The following PRH1 variants were observed in gnomAD, a reference collection of about 807,000 sequenced individuals.
PRH1 encodes the protein proline rich protein HaeIII subfamily 1, also known as salivary acidic proline-rich phosphoprotein 1/2.
A neutral mutation model predicts 7.9 loss-of-function variants in PRH1; 7 were observed. The ratio of observed to expected loss-of-function variants is 0.89; its 90% CI spans 0.50 to 1.67. PRH1 has a LOEUF of 1.67. Ranked by LOEUF, PRH1 falls within the 40% of genes most tolerant of loss-of-function variation. The probability of loss-of-function intolerance (pLI) is 0.00; values close to 1 mark genes in which losing one functional copy is unlikely to be tolerated. For synonymous variants in PRH1, 45 were observed against 80.8 expected (o/e 0.56, Z 2.38); for missense variants, 109 against 223.6 (o/e 0.49, Z 3.27).
intron 1 of PRH1, among the ~76,000 whole-genome samples, chr12:10,994,063 C>T (rs1253425427): frequency 6.6e-6 from 1 of 152,186 alleles, no homozygotes; most frequent in African/African-American, 2.4e-5. Flanking sequence ...CATAGTCAGC[C>T]ATGATTGGAG....
At chr12:11,168,298 A>AGG (rs1369815629) in intron 1 of PRH1, among the ~76,000 whole-genome samples, 1 of 51,672 alleles carries the variant, frequency 1.9e-5, no homozygotes, top group African/African-American at 5.8e-5. Context: ...GAAAGAAAGA[A>AGG]AGAAGGAAGG....
chr12:11,000,371 C>T (rs1235336425), intron 1 of PRH1, among the ~76,000 whole-genome samples: 1 of 151,880 alleles, frequency 6.6e-6, no homozygotes, highest in East Asian at 1.9e-4. Context: ...TATGAAGGTC[C>T]TCTATTCTTT....
chr12:11,170,197 A>C (rs1234095025), intron 1 of PRH1, among the ~76,000 whole-genome samples: 1 of 152,260 alleles, frequency 6.6e-6, no homozygotes, highest in African/African-American at 2.4e-5. Flanking sequence ...TTTAAATAAC[A>C]AAAGTATTGT....
chr12:11,059,591 T>C (rs753461966), intron 1 of PRH1, among the ~76,000 whole-genome samples: 27 of 144,652 alleles, frequency 1.9e-4, no homozygotes, highest in Non-Finnish European at 3.9e-4. Flanking sequence ...TTTATACGCT[T>C]TCTAAAAATA....
chr12:11,006,850 A>G (rs1308153432), intron 1 of PRH1, among the ~76,000 whole-genome samples: 1 of 152,118 alleles, frequency 6.6e-6, no homozygotes, highest in Non-Finnish European at 1.5e-5. Context: ...TCTTATTCCC[A>G]AAATAGCTGA....
chr12:10,926,454 A>G (rs1950124965), intron 2 of PRH1, among the ~76,000 whole-genome samples: 1 of 152,214 alleles, frequency 6.6e-6, no homozygotes, highest in Non-Finnish European at 1.5e-5. Flanking sequence ...TGTGGGTGTG[A>G]AAGAGCTGAG....
intron 1 of PRH1, among the ~76,000 whole-genome samples, chr12:10,998,037 G>A (rs960783324): frequency 2.0e-5 from 3 of 152,118 alleles, no homozygotes; most frequent in Non-Finnish European, 2.9e-5. Flanking sequence ...AAAAGCACCA[G>A]CTTAAACTAA....
chr12:10,926,837 G>A (rs1950130410), intron 2 of PRH1, among the ~76,000 whole-genome samples: 1 of 152,178 alleles, frequency 6.6e-6, no homozygotes, highest in Non-Finnish European at 1.5e-5. Flanking sequence ...TATGAAAGAT[G>A]AATCCTAAAA....
chr12:10,898,557 A>G (rs1268865407), intron 2 of PRH1, among the ~76,000 whole-genome samples: 3 of 152,194 alleles, frequency 2.0e-5, no homozygotes, highest in Non-Finnish European at 4.4e-5. Flanking sequence ...ACTATTTTTA[A>G]ATGCCCTTAA....
At position 10,913,507 on chromosome 12, in the gene PRH1, T is replaced by A. The variant is rs7314347; in HGVS notation, c.-58-29232A>T. On this transcript the variant is annotated intron_variant, in intron 2 of 3. Transcript: ENST00000539853. ...TTAAAATGATTACATTAGCTTATTT[T>A]TGTTAGTGTTTTATGGTGTGATTTT... 9.7e-3 allele frequency among the ~76,000 whole-genome samples: 1,477 copies of A among 152,326 alleles called. 20 individuals carry two copies. The highest frequency in any genetic ancestry group is 0.033 in the African/African-American group (1,387 of 41,566).
chr12:11,070,889 T>C (rs1374473837), intron 1 of PRH1, among the ~76,000 whole-genome samples: 6 of 152,302 alleles, frequency 3.9e-5, no homozygotes, highest in East Asian at 1.9e-4. Flanking sequence ...CTGTATCTAG[T>C]ACAGTGGCAT....
intron 2 of PRH1, among the ~76,000 whole-genome samples, chr12:10,910,282 T>C (rs1054332688): frequency 6.6e-6 from 1 of 152,002 alleles, no homozygotes; most frequent in African/African-American, 2.4e-5. Context: ...CAGTAAAAGA[T>C]TACAAAAATA....
chr12:11,119,586 A>C (rs1267733700), downstream of PRH1, among the ~76,000 whole-genome samples: 9 of 152,314 alleles, frequency 5.9e-5, no homozygotes, highest in East Asian at 1.5e-3. Context: ...AAAAAAAAAG[A>C]AATTCCTAAA....
chr12:11,104,978 A>ATGCCT (rs1285339123), intron 1 of PRH1, among the ~76,000 whole-genome samples: 18 of 151,920 alleles, frequency 1.2e-4, no homozygotes, highest in African/African-American at 4.3e-4. Flanking sequence ...CTTATTAATA[A>ATGCCT]TGCCTTATAT....
intron 1 of PRH1, chr12:10,997,630 A>G: frequency 6.2e-7 from 1 of 1,613,790 alleles, no homozygotes; most frequent in African/African-American, 1.3e-5. Flanking sequence ...TAGAAATAAA[A>G]ATTATTACTT....
chr12:11,133,329 G>C, intron 1 of PRH1: 3 of 1,613,730 alleles, frequency 1.9e-6, no homozygotes, highest in Non-Finnish European at 1.7e-6. Flanking sequence ...TGGAGACGAA[G>C]GCTTCTGTCT....
At chr12:11,094,299 C>CAAAAAAAAAAAAAAAAAAAA (rs34742610) in intron 1 of PRH1, among the ~76,000 whole-genome samples, 3 of 27,024 alleles carry the variant, frequency 1.1e-4, no homozygotes, top group Non-Finnish European at 1.4e-4. Context: ...AAGACTCTGT[C>CAAAAAAAAAAAAAAAAAAAA]AAAAAAAAAA....
chr12:10,913,340 A>G (rs1217607489), intron 2 of PRH1, among the ~76,000 whole-genome samples: 5 of 152,106 alleles, frequency 3.3e-5, no homozygotes, highest in Non-Finnish European at 7.4e-5. Flanking sequence ...CTGTAGTCCC[A>G]GCTACTCGGG....
At chr12:10,914,605 G>A (rs1949947640) in intron 2 of PRH1, among the ~76,000 whole-genome samples, 2 of 152,106 alleles carry the variant, frequency 1.3e-5, no homozygotes, top group Admixed American at 6.5e-5. Flanking sequence ...GGTAGCTCTT[G>A]TTATAAGTCG....
Sources: gnomAD v4.1 joint callset for allele counts (sites outside exome capture counted in the v4.1 genomes callset) on GRCh38, gnomAD v4.1.1 for gene constraint, MANE v1.5 for transcripts, NCBI Gene and HGNC (gene_info 2026-07-23, HGNC 2026-07-21) for gene names.